Variants in DSCAM observed in about 807,000 individuals in gnomAD.
The protein encoded by DSCAM is cell adhesion molecule DSCAM.
DSCAM carries 47 observed loss-of-function variants against 217.7 expected under a neutral mutation model. The ratio of observed to expected loss-of-function variants is 0.22; its 90% CI spans 0.17 to 0.28. The LOEUF (loss-of-function observed/expected upper bound fraction) is 0.28, where lower values mean the gene tolerates loss of function less well. Ranked by LOEUF, DSCAM falls within the 10% of genes least tolerant of loss-of-function variation. The pLI is 1.00. For synonymous variants in DSCAM, 1,056 were observed against 1,015.3 expected (o/e 1.04, Z -0.76); for missense variants, 2,080 against 2,618.3 (o/e 0.79, Z 4.49).
intron 11 of DSCAM, among the ~76,000 whole-genome samples, chr21:40,229,513 C>T (rs2091362076): frequency 6.6e-6 from 1 of 152,188 alleles, no homozygotes; most frequent in Non-Finnish European, 1.5e-5. Context: ...CCTGTTCAGT[C>T]CTCTCCTTTC....
At chr21:40,612,903 T>A (rs904791264) in intron 3 of DSCAM, among the ~76,000 whole-genome samples, 1 of 152,164 alleles carries the variant, frequency 6.6e-6, no homozygotes, top group African/African-American at 2.4e-5. Context: ...TTCTGTTTTC[T>A]CCTCCTTCAT....
intron 3 of DSCAM, among the ~76,000 whole-genome samples, chr21:40,446,850 A>T (rs1344600384): frequency 1.3e-5 from 2 of 152,218 alleles, no homozygotes; most frequent in Admixed American, 6.5e-5. Flanking sequence ...AATCCCTATG[A>T]CTTTCAAAGT....
At chr21:40,447,988 T>G (rs2075688694) in intron 3 of DSCAM, among the ~76,000 whole-genome samples, 1 of 152,250 alleles carries the variant, frequency 6.6e-6, no homozygotes, top group African/African-American at 2.4e-5. Context: ...AATATTAGCC[T>G]AATAAAATTA....
At chr21:40,089,759 ACTGT>A (rs2089581307) in intron 21 of DSCAM, among the ~76,000 whole-genome samples, 1 of 151,746 alleles carries the variant, frequency 6.6e-6, no homozygotes, top group Non-Finnish European at 1.5e-5. Context: ...TGCCCAACTG[ACTGT>A]CTGCTCCATC....
Position 40,264,056 on chromosome 21 carries a change from T to TAA in DSCAM, c.2356+12039_2356+12040dup, listed in dbSNP as rs113936417. Among the ~76,000 whole-genome samples, 607 of 148,038 alleles carry TAA rather than the reference T, an allele frequency of 4.1e-3. 6 individuals are homozygous for TAA. The highest frequency in any genetic ancestry group is 0.013 in the African/African-American group (546 of 40,706). On this transcript the variant is annotated intron_variant, in intron 11 of 32. Coordinates refer to ENST00000400454, the MANE Select transcript of DSCAM (RefSeq NM_001389.5). ...ACAAGCAGTGATATTGAATCAGCAA[T>TAA]AAAAAAAAAATGCCAACAAAACAAA...
chr21:40,601,727 C>T (rs2077063349), intron 3 of DSCAM, among the ~76,000 whole-genome samples: 1 of 152,096 alleles, frequency 6.6e-6, no homozygotes, highest in African/African-American at 2.4e-5. Context: ...TAAATAAGTG[C>T]CGGTTTTACC....
chr21:40,628,731 A>T (rs867152845), intron 3 of DSCAM, among the ~76,000 whole-genome samples: 3 of 58,774 alleles, frequency 5.1e-5, no homozygotes, highest in Non-Finnish European at 1.3e-4. Context: ...CTATCTATCT[A>T]TCTATCTATC....
At chr21:40,053,681 T>C (rs1040903532) in intron 29 of DSCAM, among the ~76,000 whole-genome samples, 6 of 152,156 alleles carry the variant, frequency 3.9e-5, no homozygotes, top group African/African-American at 1.4e-4. Flanking sequence ...ATCGACCCAT[T>C]GTCAGGCATC....
At chr21:40,565,080 C>T (rs2076754419) in intron 3 of DSCAM, among the ~76,000 whole-genome samples, 1 of 152,140 alleles carries the variant, frequency 6.6e-6, no homozygotes. Flanking sequence ...AGACATAAGA[C>T]AGGAGCCAAG....
At position 40,408,842 on chromosome 21, in the gene DSCAM, G is replaced by A. The variant is rs139345309; in HGVS notation, c.509-39597C>T. 4.0e-3 allele frequency among the ~76,000 whole-genome samples: 612 copies of A among 152,254 alleles called. 9 individuals are homozygous for A. The South Asian group carries it at 0.042, about 10-fold the overall frequency. On this transcript the variant is annotated intron_variant, in intron 3 of 32. Transcript: ENST00000400454. ...ATTTTAAATGACATAACTAGAGTTC[G>A]TAGGCTAGTGTGATTCCGATAAATG...
intron 4 of DSCAM, among the ~76,000 whole-genome samples, chr21:40,359,838 G>A (rs1213147468): frequency 1.3e-5 from 2 of 152,144 alleles, no homozygotes; most frequent in Non-Finnish European, 2.9e-5. Context: ...CTTTTGGGTG[G>A]TGAAAATATT....
At chr21:40,342,649 T>TATATATATATATATATATATATATA (rs1555907253) in intron 6 of DSCAM, among the ~76,000 whole-genome samples, 2 of 38,992 alleles carry the variant, frequency 5.1e-5, no homozygotes, top group African/African-American at 7.2e-5. Context: ...TATATATATA[T>TATATATATATATATATATATATATA]TTTTTTTTTT....
intron 3 of DSCAM, among the ~76,000 whole-genome samples, chr21:40,629,173 A>G (rs757689681): frequency 6.6e-6 from 1 of 152,094 alleles, no homozygotes; most frequent in Non-Finnish European, 1.5e-5. Flanking sequence ...TTCTTGTCCT[A>G]TAAAATAATT....
intron 1 of DSCAM, among the ~76,000 whole-genome samples, chr21:40,846,248 T>G (rs2092144527): frequency 6.6e-6 from 1 of 152,118 alleles, no homozygotes; most frequent in South Asian, 2.1e-4. Flanking sequence ...GCACTTGGAA[T>G]GTCACATCCC....
intron 14 of DSCAM, among the ~76,000 whole-genome samples, chr21:40,185,427 A>G (rs1261313149): frequency 6.6e-6 from 1 of 152,116 alleles, no homozygotes; most frequent in East Asian, 1.9e-4. Flanking sequence ...TGGGTCCCAA[A>G]TCACTGAGCC....
intron 32 of DSCAM, among the ~76,000 whole-genome samples, chr21:40,019,698 T>C (rs2088227398): frequency 6.6e-6 from 1 of 152,236 alleles, no homozygotes. Flanking sequence ...CACCATGTCA[T>C]GGGTACTCAC....
chr21:40,527,887 C>T (rs1278519231), intron 3 of DSCAM, among the ~76,000 whole-genome samples: 1 of 152,146 alleles, frequency 6.6e-6, no homozygotes, highest in Admixed American at 6.5e-5. Flanking sequence ...ATCTGAAGAC[C>T]ACCCGCCTCA....
intron 11 of DSCAM, among the ~76,000 whole-genome samples, chr21:40,243,062 T>C (rs191509018): frequency 1.5e-4 from 23 of 152,332 alleles, no homozygotes; most frequent in Middle Eastern, 3.4e-3. Context: ...TAATGATATC[T>C]GAGTCTCCCA....
At chr21:40,393,380 C>T (rs2075151100) in intron 3 of DSCAM, among the ~76,000 whole-genome samples, 1 of 152,132 alleles carries the variant, frequency 6.6e-6, no homozygotes, top group Admixed American at 6.6e-5. Context: ...AGACATGTTC[C>T]CAGCCCTTTT....
Sources: allele counts gnomAD v4.1 joint callset (sites outside exome capture counted in the v4.1 genomes callset), GRCh38; gene constraint gnomAD v4.1.1; transcripts MANE v1.5; gene names NCBI Gene and HGNC (gene_info 2026-07-23, HGNC 2026-07-21).